RNF11: variants seen among roughly 807,000 people sequenced by gnomAD.
RNF11 encodes the protein ring finger protein 11.
Under a neutral mutation model 15.8 loss-of-function variants are expected in RNF11, and 4 were observed. That is an observed-to-expected ratio of 0.25 (90% confidence interval 0.12 to 0.58). The LOEUF (loss-of-function observed/expected upper bound fraction) is 0.58. RNF11 is among the 20% of genes least tolerant of loss of function. The pLI is 0.91. For missense variants in RNF11, 139 were observed against 194.4 expected (o/e 0.71, Z 1.70); for synonymous variants, 68 against 72.3 (o/e 0.94, Z 0.30).
rs1426645351 is a variant in RNF11, at chr1:51,270,063, A to G, written c.231A>G (p.Ile77Met). 4 of 1,613,820 alleles carry G rather than the reference A, an allele frequency of 2.5e-6. No individual in the cohort carries two copies. In the South Asian group the frequency reaches 3.3e-5, roughly 13 times the overall value. ...GGATAGCTCAAAGAATAGGTCTTAT[A>G]CAACATCTGCCTAAAGGAGTTTATG... ...QIRIAQRIGL[I>M]QHLPKGVYDP... Residue 77 changes from isoleucine to methionine, a missense_variant, in exon 2 of 3, where the codon ATA (isoleucine) becomes ATG (methionine). By Grantham distance (10) the Ile-to-Met change is conservative (BLOSUM62 1). Transcript: ENST00000242719.
intron 1 of RNF11, among the ~76,000 whole-genome samples, chr1:51,253,965 C>A: frequency 6.7e-6 from 1 of 149,298 alleles, no homozygotes; most frequent in Non-Finnish European, 1.5e-5. Context: ...GAGGTCCCAT[C>A]TCTAAAAAAA....
At chr1:51,236,938 G>A (rs1646806348) in intron 1 of RNF11, 59 bp downstream of exon 1, 2 of 1,545,188 alleles carry the variant, frequency 1.3e-6, no homozygotes, top group Admixed American at 1.9e-5. Flanking sequence ...GAGATTGAGG[G>A]GGCTTCGGGG....
intron 1 of RNF11, among the ~76,000 whole-genome samples, chr1:51,261,036 C>G (rs547920460): frequency 7.2e-5 from 11 of 152,282 alleles, no homozygotes; most frequent in African/African-American, 2.6e-4. Flanking sequence ...GCTTATCATT[C>G]CTTTTTCACA....
intron 1 of RNF11, 134 bp downstream of exon 1, chr1:51,237,013 T>A: frequency 8.6e-7 from 1 of 1,168,558 alleles, no homozygotes; most frequent in Non-Finnish European, 1.2e-6. Flanking sequence ...GGGCTGGATC[T>A]GAGGGCATTT....
In RNF11 at chr1:51,251,248, G is replaced by A. The variant is rs1646876159; in HGVS notation, c.123+14369G>A. ...AGGGAGAAGAGATAGATCTCCTCCA[G>A]GGACTTGATCTTCATGTCCTTCACC... On this transcript the variant is annotated intron_variant, in intron 1 of 2. Transcript: ENST00000242719. The A allele has an allele frequency of 6.8e-6, 9 of 1,321,018 alleles. No individual in the cohort carries two copies. In the South Asian group the frequency reaches 8.3e-5, roughly 12 times the overall value. 81.8% of individuals were successfully genotyped at this position (1,321,018 alleles called of 1,614,324 possible). A position where few individuals can be genotyped will look rare whatever the true frequency, so the allele number is the denominator to read the frequency against.
intron 1 of RNF11, among the ~76,000 whole-genome samples, chr1:51,251,645 A>G (rs1646878839): frequency 6.6e-6 from 1 of 152,212 alleles, no homozygotes; most frequent in Non-Finnish European, 1.5e-5. Flanking sequence ...ATTATAAAAA[A>G]TTAAAATTTG....
At chr1:51,246,732 T>C (rs751376649) in intron 1 of RNF11, among the ~76,000 whole-genome samples, 1 of 152,166 alleles carries the variant, frequency 6.6e-6, no homozygotes, top group African/African-American at 2.4e-5. Context: ...AGTTATTGTT[T>C]AGTGGGTAGA....
At chr1:51,246,567 A>G (rs1272267749) in intron 1 of RNF11, among the ~76,000 whole-genome samples, 2 of 151,780 alleles carry the variant, frequency 1.3e-5, no homozygotes, top group African/African-American at 4.8e-5. Context: ...GAATGGGGGC[A>G]TGGGGAAGGC....
At position 51,253,836 on chromosome 1, in the gene RNF11, A is replaced by G. The variant is rs535914323; in HGVS notation, c.124-16120A>G. Among the ~76,000 whole-genome samples, 53 of 152,288 alleles carry G rather than the reference A, an allele frequency of 3.5e-4. No homozygotes were observed. In the South Asian group the frequency reaches 4.1e-3, roughly 12 times the overall value. ...ATATTTTATTTGTATAAATTTTTTT[A>G]GGAATTGCTGGATCTTGCCAGGCAC... is the stretch of plus-strand genomic sequence containing the variant. On this transcript the variant is annotated intron_variant, in intron 1 of 2. Transcript: ENST00000242719.
At chr1:51,264,287 A>AAAAATAT (rs1557682286) in intron 1 of RNF11, among the ~76,000 whole-genome samples, 2 of 32,532 alleles carry the variant, frequency 6.1e-5, no homozygotes, top group Non-Finnish European at 1.1e-4. Flanking sequence ...AAAAAAAAAA[A>AAAAATAT]ATATATATAT....
intron 1 of RNF11, chr1:51,250,784 G>A: frequency 7.0e-7 from 1 of 1,427,908 alleles, no homozygotes; most frequent in Non-Finnish European, 9.8e-7. Flanking sequence ...AGTTGCCCAG[G>A]GTGGCAGTGC....
intron 1 of RNF11, chr1:51,251,389 TGCCGAAACCTCC>T: frequency 7.1e-7 from 1 of 1,412,198 alleles, no homozygotes; most frequent in Non-Finnish European, 9.7e-7. Flanking sequence ...CGGATGCCAC[TGCCGAAACCTCC>T]GCGGAAGCCA....
chr1:51,259,878 G>GA (rs1646922512), intron 1 of RNF11, among the ~76,000 whole-genome samples: 2 of 152,188 alleles, frequency 1.3e-5, no homozygotes. Flanking sequence ...AAAGATTTCA[G>GA]AAACACTAAA....
chr1:51,243,489 A>G (rs776928116), intron 1 of RNF11, among the ~76,000 whole-genome samples: 17 of 151,994 alleles, frequency 1.1e-4, no homozygotes, highest in Non-Finnish European at 2.1e-4. Context: ...CCCAGGCTGG[A>G]GTGCAGTGGT....
intron 2 of RNF11, among the ~76,000 whole-genome samples, chr1:51,270,695 C>G (rs1430785395): frequency 6.6e-6 from 1 of 152,172 alleles, no homozygotes; most frequent in Non-Finnish European, 1.5e-5. Context: ...CTCTAAATAG[C>G]ACAAGGAAAC....
intron 1 of RNF11, 44 bp from the exon 2 acceptor site, chr1:51,269,912 G>C: frequency 6.4e-7 from 1 of 1,556,556 alleles, no homozygotes; most frequent in Non-Finnish European, 8.7e-7. Flanking sequence ...CCCTCGAAAG[G>C]TTTTTAAAAA....
intron 1 of RNF11, among the ~76,000 whole-genome samples, chr1:51,268,986 A>ATT (rs1484425005): frequency 6.6e-6 from 1 of 152,208 alleles, no homozygotes; most frequent in Non-Finnish European, 1.5e-5. Flanking sequence ...TTATCTCATG[A>ATT]TTATATCAAC....
intron 1 of RNF11, among the ~76,000 whole-genome samples, chr1:51,255,723 A>G (rs915388917): frequency 6.6e-6 from 1 of 152,172 alleles, no homozygotes; most frequent in Non-Finnish European, 1.5e-5. Context: ...CCATTTGTTG[A>G]AAATAGTTTT....
chr1:51,239,514 C>A (rs1182072598), intron 1 of RNF11, among the ~76,000 whole-genome samples: 1 of 152,026 alleles, frequency 6.6e-6, no homozygotes, highest in East Asian at 1.9e-4. Flanking sequence ...TAAGATCTGT[C>A]TTAGGAATGG....
Sources: allele counts gnomAD v4.1 joint callset (sites outside exome capture counted in the v4.1 genomes callset), GRCh38; gene constraint gnomAD v4.1.1; transcripts MANE v1.5; gene names NCBI Gene and HGNC (gene_info 2026-07-23, HGNC 2026-07-21).